SLC25A40: variants seen among roughly 807,000 people sequenced by gnomAD.
SLC25A40 encodes solute carrier family 25 member 40.
Under a neutral mutation model 46.5 loss-of-function variants are expected in SLC25A40, and 41 were observed. The ratio of observed to expected loss-of-function variants is 0.88; its 90% CI spans 0.69 to 1.14. The LOEUF is 1.14. SLC25A40 is among the 50% of genes most tolerant of loss of function. SLC25A40 has a pLI of 0.00. For synonymous variants in SLC25A40, 126 were observed against 127.5 expected, an observed-to-expected ratio of 0.99 and a Z score of 0.08; for missense variants, 386 against 393.6, an observed-to-expected ratio of 0.98 and a Z score of 0.16.
In SLC25A40 at chr7:87,876,169, G is replaced by T. The variant is rs1279594701; in HGVS notation, c.-167C>A. 1 of 153,002 alleles carries T rather than the reference G, an allele frequency of 6.5e-6. No homozygotes were observed. The highest frequency in any genetic ancestry group is 1.5e-5 in the Non-Finnish European group (1 of 68,658). 9.5% of individuals were successfully genotyped at this position (153,002 alleles called of 1,614,324 possible). A position where few individuals can be genotyped will look rare whatever the true frequency, so the allele number is the denominator to read the frequency against. Reference sequence around the variant, plus strand: ...GGCGGGAATAACCCTGGTGACGGGCGGGGCCGGGCTCCGGCGCTAACTGCA... The same window carrying T: ...GGCGGGAATAACCCTGGTGACGGGCTGGGCCGGGCTCCGGCGCTAACTGCA... On this transcript the variant is annotated 5_prime_UTR_variant, in exon 1 of 12. Transcript: ENST00000341119.
Position 87,836,034 on chromosome 7 carries a change from G to T in SLC25A40, c.*215C>A. 1 of 406,188 alleles carries T rather than the reference G, an allele frequency of 2.5e-6. No homozygotes were observed. Among genetic ancestry groups the T allele is most frequent in the Non-Finnish European group, 4.3e-6 (1 of 231,884 alleles). 25.2% of individuals were successfully genotyped at this position (406,188 alleles called of 1,614,324 possible). On this transcript the variant is annotated 3_prime_UTR_variant, in exon 12 of 12. Transcript: ENST00000341119. ...TCTATTTTTACAAGAATGCTCAATG[G>T]TGGTGATTTCTAGAATATCTTTTTC...
chr7:87,843,920 T>C (rs1181113604), intron 8 of SLC25A40, 57 bp from the exon 9 acceptor site: 1 of 1,468,896 alleles, frequency 6.8e-7, no homozygotes, highest in Non-Finnish European at 9.2e-7. Context: ...TGGACTTTAA[T>C]AAAAGAGTTA....
Position 87,847,140 on chromosome 7 carries a change from A to C in SLC25A40, c.458-18T>G. On this transcript the variant is annotated intron_variant, in intron 7 of 11. Coordinates refer to ENST00000341119, the MANE Select transcript of SLC25A40 (RefSeq NM_018843.4). ...TGCACCAACTAATACAAACAAGTTA[A>C]AAAAAAGAAAACAAAAATAAAGCCA... 1 of 1,554,390 alleles carries C rather than the reference A, an allele frequency of 6.4e-7. No homozygotes were observed. The highest frequency in any genetic ancestry group is 1.2e-5 in the South Asian group (1 of 82,562).
rs891554482 is a variant in SLC25A40, at chr7:87,833,755, AT to A, written c.*2493del. On this transcript the variant is annotated 3_prime_UTR_variant, in exon 12 of 12. Transcript: ENST00000341119. ...TGTGTCATGGGGATTTATTATACAG[AT>A]TATTTCATCACCCAGGTATTAAGCC... 25 of 151,922 alleles carry A rather than the reference AT, an allele frequency of 1.6e-4. No individual in the cohort carries two copies. Among genetic ancestry groups the A allele is most frequent in the South Asian group, 2.1e-4 (1 of 4,826 alleles). The allele number at this position is 151,922 out of a possible 1,614,324, so 9.4% of individuals were successfully genotyped here. A position where few individuals can be genotyped will look rare whatever the true frequency, so the allele number is the denominator to read the frequency against.
Position 87,841,664 on chromosome 7 carries a change from C to G in SLC25A40, c.792G>C (p.Gln264His). 6.5e-7 allele frequency: 1 copy of G among 1,528,432 alleles called. No individual in the cohort carries two copies. The highest frequency in any genetic ancestry group is 8.8e-7 in the Non-Finnish European group (1 of 1,137,008). The allele number at this position is 1,528,432 out of a possible 1,614,324, so 94.7% of individuals were successfully genotyped here. A position where few individuals can be genotyped will look rare whatever the true frequency, so the allele number is the denominator to read the frequency against. The change falls in exon 10 of 12, where the codon CAG (glutamine) becomes CAC (histidine). Residue 264 changes from glutamine to histidine, a missense_variant. Transcript: ENST00000341119. Reference protein sequence around the residue: ...LPFDVVKTQKQTQLWTYESHK... With the variant: ...LPFDVVKTQKHTQLWTYESHK... Reference sequence around the variant, plus strand: ...GACTTTCATATGTCCAAAGTTGTGTCTGCTTTTGTGTTTTTACTACATCAA... The same window carrying G: ...GACTTTCATATGTCCAAAGTTGTGTGTGCTTTTGTGTTTTTACTACATCAA...
At chr7:87,864,346 T>C (rs1306759712) in intron 1 of SLC25A40, among the ~76,000 whole-genome samples, 1 of 152,224 alleles carries the variant, frequency 6.6e-6, no homozygotes, top group Non-Finnish European at 1.5e-5. Context: ...GTTAGAAAGA[T>C]GTGAATTATT....
chr7:87,863,839 C>T (rs73200349), intron 1 of SLC25A40, among the ~76,000 whole-genome samples: 7,721 of 152,156 alleles, frequency 0.051, 221 homozygotes, highest in Non-Finnish European at 0.059. Context: ...ATTCATCAAC[C>T]TCTCTTCCCA....
chr7:87,857,184 C>A (rs1394660100), intron 3 of SLC25A40, among the ~76,000 whole-genome samples: 4 of 152,088 alleles, frequency 2.6e-5, no homozygotes, highest in African/African-American at 4.8e-5. Context: ...TCCGTTAATG[C>A]AAAGTAAAGA....
chr7:87,868,059 C>T (rs962475354), intron 1 of SLC25A40, among the ~76,000 whole-genome samples: 20 of 152,222 alleles, frequency 1.3e-4, no homozygotes, highest in African/African-American at 4.8e-4. Flanking sequence ...CACCTCCCCA[C>T]CTTTTACTCT....
rs1308710101 is a variant in SLC25A40, at chr7:87,836,737, T to G, written c.897A>C (p.Leu299Phe). 1 of 1,536,350 alleles carries G rather than the reference T, an allele frequency of 6.5e-7. No individual in the cohort carries two copies. Among genetic ancestry groups the G allele is most frequent in the African/African-American group, 1.4e-5 (1 of 69,932 alleles). The change falls in exon 11 of 12, where the codon TTA becomes TTC. Residue 299 changes from leucine (L) to phenylalanine (F), a missense_variant. Transcript: ENST00000341119. ...TAAAGCAAGTATTTTTACCTGAAAATAATCCGGAAAATCCATTTTTAGCAA... is the reference window on the plus strand; with the variant it reads ...TAAAGCAAGTATTTTTACCTGAAAAGAATCCGGAAAATCCATTTTTAGCAA... ...NIVAKNGFSG[L>F]FSGLIPRLIK...
rs1389038836 is a variant in SLC25A40, at chr7:87,843,735, AACAAAAGAATAAACTT to A, written c.741+3_741+18del. On this transcript the variant is annotated splice_donor_5th_base_variant and intron_variant, in intron 9 of 11. Coordinates refer to ENST00000341119, the MANE Select transcript of SLC25A40 (RefSeq NM_018843.4). ...ACAATTATTCTTCTGGAATATTAAC[AACAAAAGAATAAACTT>A]ACAGAACCAGACAATGCCCCTGAAG... The A allele has an allele frequency of 6.5e-7, 1 of 1,538,852 alleles. No homozygotes were observed. The highest frequency in any genetic ancestry group is 1.7e-5 in the Admixed American group (1 of 58,188).
At chr7:87,844,228 A>G (rs950721200) in intron 8 of SLC25A40, among the ~76,000 whole-genome samples, 20 of 152,272 alleles carry the variant, frequency 1.3e-4, no homozygotes, top group African/African-American at 4.8e-4. Context: ...ATAAAACATC[A>G]TGTACTATGA....
chr7:87,870,189 C>G (rs926177505), intron 1 of SLC25A40, among the ~76,000 whole-genome samples: 1 of 150,732 alleles, frequency 6.6e-6, no homozygotes, highest in Non-Finnish European at 1.5e-5. Context: ...TTTTTGGATA[C>G]TAGATCCTTA....
At chr7:87,848,463 C>T (rs1314665166) in intron 6 of SLC25A40, among the ~76,000 whole-genome samples, 2 of 152,212 alleles carry the variant, frequency 1.3e-5, no homozygotes, top group South Asian at 4.1e-4. Flanking sequence ...AAGACAGACA[C>T]TTCATCTCCA....
At chr7:87,856,138 T>C (rs891973426) in intron 4 of SLC25A40, among the ~76,000 whole-genome samples, 154 bp downstream of exon 4, 3 of 151,234 alleles carry the variant, frequency 2.0e-5, no homozygotes, top group Non-Finnish European at 4.4e-5. Flanking sequence ...CTACACCTCA[T>C]CACGTACAAC....
intron 1 of SLC25A40, among the ~76,000 whole-genome samples, chr7:87,867,426 T>C (rs1838821380): frequency 6.6e-6 from 1 of 152,334 alleles, no homozygotes; most frequent in African/African-American, 2.4e-5. Flanking sequence ...ATTGCTGAGT[T>C]CCAGATTTCA....
chr7:87,867,382 A>G (rs554071426), intron 1 of SLC25A40, among the ~76,000 whole-genome samples: 1 of 152,234 alleles, frequency 6.6e-6, no homozygotes, highest in South Asian at 2.1e-4. Flanking sequence ...TCTGCTGTTC[A>G]CAGTATCTAA....
At chr7:87,852,349 G>A (rs1490889717) in intron 5 of SLC25A40, among the ~76,000 whole-genome samples, 4 of 152,286 alleles carry the variant, frequency 2.6e-5, no homozygotes, top group South Asian at 2.1e-4. Context: ...GGGAGGCCAC[G>A]GCAGGAGGAC....
Position 87,845,540 on chromosome 7 carries a change from G to A in SLC25A40, c.631+1409C>T, listed in dbSNP as rs558053272. ...TTTCGTTCTGAAACCAATCACACAC[G>A]CGCTCATGCACACACACACACAGGC... On this transcript the variant is annotated intron_variant, in intron 8 of 11. Transcript: ENST00000341119. 1.7e-4 allele frequency among the ~76,000 whole-genome samples: 26 copies of A among 152,086 alleles called. No individual in the cohort carries two copies. The South Asian group carries it at 5.4e-3, about 32-fold the overall frequency.
Sources: allele counts gnomAD v4.1 joint callset (sites outside exome capture counted in the v4.1 genomes callset), GRCh38; gene constraint gnomAD v4.1.1; transcripts MANE v1.5; gene names NCBI Gene and HGNC (gene_info 2026-07-23, HGNC 2026-07-21).